Variants in RASGRF1 observed in about 807,000 individuals in gnomAD.
The protein encoded by RASGRF1 is ras-specific guanine nucleotide-releasing factor 1.
A neutral mutation model predicts 138.7 loss-of-function variants in RASGRF1; 40 were observed. The observed-to-expected ratio is 0.29, with a 90% confidence interval of 0.22 to 0.38. The LOEUF (loss-of-function observed/expected upper bound fraction) is 0.38. Ranked by LOEUF, RASGRF1 falls within the 10% of genes least tolerant of loss-of-function variation. The pLI is 1.00. For missense variants in RASGRF1, 1,108 were observed against 1,650.4 expected (o/e 0.67, Z 5.69); for synonymous variants, 614 against 663.2 (o/e 0.93, Z 1.14).
chr15:79,005,957 G>A (rs183798406), intron 14 of RASGRF1, among the ~76,000 whole-genome samples: 1 of 152,280 alleles, frequency 6.6e-6, no homozygotes, highest in Non-Finnish European at 1.5e-5. Context: ...GGAAGCAGCT[G>A]AGACTGAGCA....
chr15:79,043,649 A>G (rs1181367949), intron 5 of RASGRF1, among the ~76,000 whole-genome samples: 1 of 152,214 alleles, frequency 6.6e-6, no homozygotes, highest in African/African-American at 2.4e-5. Context: ...CATTGTAAAG[A>G]AGGTGAAATG....
Position 79,090,634 on chromosome 15 carries a change from T to C in RASGRF1, c.-136A>G. On this transcript the variant is annotated 5_prime_UTR_variant, in exon 1 of 27. Transcript: ENST00000558480. Reference sequence around the variant, plus strand: ...TCTAGCTCTCCCCTCCCCCCAAATATCTACACTCCAGGATCTGGCGCCGAG... The same window carrying C: ...TCTAGCTCTCCCCTCCCCCCAAATACCTACACTCCAGGATCTGGCGCCGAG... 8.1e-7 allele frequency: 1 copy of C among 1,236,974 alleles called. No individual in the cohort carries two copies. Among genetic ancestry groups the C allele is most frequent in the Non-Finnish European group, 1.1e-6 (1 of 892,306 alleles). 76.6% of individuals were successfully genotyped at this position (1,236,974 alleles called of 1,614,324 possible).
At chr15:78,998,358 G>A in intron 18 of RASGRF1, 150 bp from the exon 19 acceptor site, 1 of 693,964 alleles carries the variant, frequency 1.4e-6, no homozygotes, top group South Asian at 1.6e-5. Flanking sequence ...CTTCCTGGCA[G>A]GGCATGAGAG....
chr15:78,978,742 C>T lies in RASGRF1; in HGVS notation c.3494+1878G>A, dbSNP rs1198035555. 47 of 1,113,146 alleles carry T rather than the reference C, an allele frequency of 4.2e-5. 1 individual carries two copies. The South Asian group carries it at 6.7e-4, about 16-fold the overall frequency. 69.0% of individuals were successfully genotyped at this position (1,113,146 alleles called of 1,614,324 possible). A position where few individuals can be genotyped will look rare whatever the true frequency, so the allele number is the denominator to read the frequency against. ...ACCGCTCTTTGTGAAAACCTTAGAG[C>T]CTCAGGAGAGGGGGTGCGGGAAGCA... On this transcript the variant is annotated intron_variant, in intron 24 of 26. Transcript: ENST00000558480.
chr15:79,077,661 C>T (rs1332314712), intron 1 of RASGRF1, among the ~76,000 whole-genome samples: 1 of 152,116 alleles, frequency 6.6e-6, no homozygotes, highest in Non-Finnish European at 1.5e-5. Flanking sequence ...ATCTTCAGTT[C>T]CTGCTTCTCT....
In RASGRF1 at chr15:79,008,796, C is replaced by T. The variant is rs1204435449; in HGVS notation, c.1827-2362G>A. 3.3e-5 allele frequency among the ~76,000 whole-genome samples: 5 copies of T among 152,154 alleles called. No individual in the cohort carries two copies. In the East Asian group the frequency reaches 9.6e-4, roughly 29 times the overall value. On this transcript the variant is annotated intron_variant, in intron 13 of 26. Transcript: ENST00000558480. ...AAAGTAGCAAACGAGAGAAGCCACG[C>T]CTGCTCATTTCTGCTTGCTGGCATG...
chr15:79,035,475 T>C (rs557990849), intron 5 of RASGRF1, among the ~76,000 whole-genome samples: 48 of 152,364 alleles, frequency 3.2e-4, no homozygotes, highest in Admixed American at 9.1e-4. Flanking sequence ...GGCTCGTCTA[T>C]GCATGGGGTG....
At chr15:79,059,383 C>T (rs2057562568) in intron 2 of RASGRF1, among the ~76,000 whole-genome samples, 2 of 61,648 alleles carry the variant, frequency 3.2e-5, no homozygotes, top group Non-Finnish European at 6.5e-5. Flanking sequence ...CCTTCCCTTC[C>T]CTTCCCTTCC....
Position 79,000,035 on chromosome 15 carries a change from C to T in RASGRF1, c.2576-122G>A. ...GCCAGCAGGCTGTGTCTTCAGGGTA[C>T]CAGGGCATGTCGGGTGGTGCTGGTG... On this transcript the variant is annotated intron_variant, in intron 16 of 26. Coordinates refer to ENST00000558480, the MANE Select transcript of RASGRF1 (RefSeq NM_001145648.3). The T allele has an allele frequency of 2.9e-6, 3 of 1,051,008 alleles. No homozygotes were observed. In the East Asian group the frequency reaches 7.5e-5, roughly 26 times the overall value. 65.1% of individuals were successfully genotyped at this position (1,051,008 alleles called of 1,614,324 possible). A position where few individuals can be genotyped will look rare whatever the true frequency, so the allele number is the denominator to read the frequency against.
In RASGRF1 at chr15:79,006,450, G is replaced by A; in HGVS notation, c.1827-16C>T. 1.2e-6 allele frequency: 2 copies of A among 1,604,676 alleles called. No individual in the cohort carries two copies. Among genetic ancestry groups the A allele is most frequent in the Non-Finnish European group, 1.7e-6 (2 of 1,176,980 alleles). The stretch of plus-strand genomic sequence containing the variant: ...GGCGTCGGACCTGAGAGGGGAGGAA[G>A]GATGCAGAGGTGATGTGGGTCTAAA... On this transcript the variant is annotated splice_polypyrimidine_tract_variant and intron_variant, in intron 13 of 26. Coordinates refer to ENST00000558480, the MANE Select transcript of RASGRF1 (RefSeq NM_001145648.3). The surrounding 1 kb of genome is among the most constrained non-coding windows in gnomAD (Gnocchi z 4.0).
At chr15:79,074,754 G>A (rs937803487) in intron 1 of RASGRF1, among the ~76,000 whole-genome samples, 1 of 152,132 alleles carries the variant, frequency 6.6e-6, no homozygotes, top group African/African-American at 2.4e-5. Context: ...AACCACCAAT[G>A]GGCCGCACCC....
At chr15:79,023,910 C>T (rs1469700249) in intron 10 of RASGRF1, among the ~76,000 whole-genome samples, 1 of 151,904 alleles carries the variant, frequency 6.6e-6, no homozygotes, top group Non-Finnish European at 1.5e-5. Flanking sequence ...TCACACACAC[C>T]ACACACAGAC....
Position 78,961,720 on chromosome 15 carries a change from G to T in RASGRF1, c.*424C>A, listed in dbSNP as rs1053203560. On this transcript the variant is annotated 3_prime_UTR_variant, in exon 27 of 27. Coordinates refer to ENST00000558480, the MANE Select transcript of RASGRF1 (RefSeq NM_001145648.3). Reference sequence around the variant, plus strand: ...CAGGGTATGGTTTCCCCCTCCCGCCGCCCCCCACCCCCCACCCAGTTATAA... The same window carrying T: ...CAGGGTATGGTTTCCCCCTCCCGCCTCCCCCCACCCCCCACCCAGTTATAA... The T allele has an allele frequency of 1.9e-5, 1 of 53,730 alleles. No homozygotes were observed. Among genetic ancestry groups the T allele is most frequent in the African/African-American group, 7.0e-5 (1 of 14,222 alleles). The allele number at this position is 53,730 out of a possible 1,614,324, so 3.3% of individuals were successfully genotyped here.
At chr15:79,065,942 G>C (rs1450970885) in intron 1 of RASGRF1, among the ~76,000 whole-genome samples, 1 of 151,912 alleles carries the variant, frequency 6.6e-6, no homozygotes, top group Non-Finnish European at 1.5e-5. Flanking sequence ...GCAGGAGAGA[G>C]AGAGAGAGAG....
chr15:79,049,376 G>A (rs1595938462), intron 4 of RASGRF1, 120 bp downstream of exon 4: 1 of 886,318 alleles, frequency 1.1e-6, no homozygotes, highest in East Asian at 2.6e-5. Flanking sequence ...TGGAGCTGAG[G>A]TTGGGGGATG....
At chr15:79,051,116 C>T (rs959138973) in intron 3 of RASGRF1, among the ~76,000 whole-genome samples, 13 of 152,180 alleles carry the variant, frequency 8.5e-5, no homozygotes, top group Admixed American at 2.6e-4. Flanking sequence ...GGGGATTCTA[C>T]GAACAAAGCC....
At chr15:78,986,172 C>CCG (rs1423091162) in intron 22 of RASGRF1, among the ~76,000 whole-genome samples, 11 of 152,050 alleles carry the variant, frequency 7.2e-5, no homozygotes, top group Admixed American at 7.2e-4. Flanking sequence ...TTCAAGGACT[C>CCG]CATCACCTGG....
intron 24 of RASGRF1, among the ~76,000 whole-genome samples, chr15:78,975,924 G>T (rs908942827): frequency 3.7e-4 from 56 of 152,178 alleles, no homozygotes; most frequent in African/African-American, 1.3e-3. Context: ...GAGTCGTAAG[G>T]CTGTGGCAGT....
chr15:79,040,704 GT>G (rs1482300529), intron 5 of RASGRF1, among the ~76,000 whole-genome samples: 1 of 151,724 alleles, frequency 6.6e-6, no homozygotes, highest in African/African-American at 2.4e-5. Flanking sequence ...TTAAAATCAA[GT>G]TTTGGTAAAA....
Sources: allele counts gnomAD v4.1 joint callset (sites outside exome capture counted in the v4.1 genomes callset), GRCh38; gene constraint gnomAD v4.1.1; non-coding constraint Gnocchi (gnomAD v3.1); transcripts MANE v1.5; gene names NCBI Gene and HGNC (gene_info 2026-07-23, HGNC 2026-07-21).